Variants in ARHGAP26 observed in about 807,000 individuals in gnomAD.
ARHGAP26 encodes the protein Rho GTPase activating protein 26, also known as rho GTPase-activating protein 26.
In ARHGAP26, 38 loss-of-function variants were observed where a neutral mutation model predicts 104.8. That is an observed-to-expected ratio of 0.36 (90% CI 0.28 to 0.48). The LOEUF (loss-of-function observed/expected upper bound fraction) is 0.48, where lower values mean the gene tolerates loss of function less well. Among genes scored for constraint, ARHGAP26 ranks in the 20% least tolerant of loss-of-function variants. The pLI, the probability that ARHGAP26 is intolerant of heterozygous loss-of-function variation, is 0.99. For missense variants in ARHGAP26, 704 were observed against 947.9 expected (o/e 0.74, Z 3.38); for synonymous variants, 341 against 340.0 (o/e 1.00, Z -0.03).
At chr5:143,024,663 T>C (rs557064903) in intron 12 of ARHGAP26, among the ~76,000 whole-genome samples, 1 of 152,188 alleles carries the variant, frequency 6.6e-6, no homozygotes, top group East Asian at 1.9e-4. Context: ...TGATATACGT[T>C]ATGTCATTTG....
intron 12 of ARHGAP26, among the ~76,000 whole-genome samples, chr5:143,027,871 T>C (rs980973308): frequency 6.6e-6 from 1 of 152,226 alleles, no homozygotes; most frequent in Non-Finnish European, 1.5e-5. Context: ...GGTTCTCGCA[T>C]GTACTGATGC....
chr5:142,886,229 C>G (rs924100309), intron 5 of ARHGAP26, among the ~76,000 whole-genome samples: 2 of 152,160 alleles, frequency 1.3e-5, no homozygotes, highest in Admixed American at 1.3e-4. Flanking sequence ...TCCAGGCCGG[C>G]CCTTTTTTTA....
At chr5:142,961,351 G>T (rs1034431228) in intron 11 of ARHGAP26, among the ~76,000 whole-genome samples, 1 of 152,150 alleles carries the variant, frequency 6.6e-6, no homozygotes, top group East Asian at 1.9e-4. Context: ...AACTAGCCGG[G>T]CATGGTGGTG....
At chr5:143,114,980 G>A (rs1359216766) in intron 17 of ARHGAP26, among the ~76,000 whole-genome samples, 1 of 152,064 alleles carries the variant, frequency 6.6e-6, no homozygotes, top group Non-Finnish European at 1.5e-5. Context: ...GCTTTGCTTT[G>A]GCTCCATGTG....
intron 17 of ARHGAP26, among the ~76,000 whole-genome samples, chr5:143,067,107 A>G (rs1321687219): frequency 6.6e-6 from 1 of 151,592 alleles, no homozygotes; most frequent in Non-Finnish European, 1.5e-5. Flanking sequence ...TCTTTGCTAG[A>G]GTTTAATAAC....
intron 17 of ARHGAP26, among the ~76,000 whole-genome samples, chr5:143,084,187 GATC>G (rs1318069056): frequency 6.6e-6 from 1 of 152,120 alleles, no homozygotes; most frequent in Non-Finnish European, 1.5e-5. Flanking sequence ...TAAGATTTGG[GATC>G]ATAACTGTGG....
chr5:143,149,373 G>A (rs772887147), intron 20 of ARHGAP26, among the ~76,000 whole-genome samples: 2 of 152,160 alleles, frequency 1.3e-5, no homozygotes, highest in Non-Finnish European at 2.9e-5. Flanking sequence ...AGCAGTACCA[G>A]CATCAGCCCT....
chr5:143,129,984 G>C (rs942407281), intron 18 of ARHGAP26, among the ~76,000 whole-genome samples: 28 of 152,200 alleles, frequency 1.8e-4, no homozygotes, highest in African/African-American at 6.8e-4. Context: ...TCCAAAGCCT[G>C]TTTGCTTTGT....
intron 6 of ARHGAP26, among the ~76,000 whole-genome samples, chr5:142,895,691 A>G (rs1331344449): frequency 1.3e-5 from 2 of 151,908 alleles, no homozygotes; most frequent in East Asian, 1.9e-4. Flanking sequence ...TTTCATCAAG[A>G]CTCCAATTGG....
At chr5:143,087,840 G>A (rs1790827686) in intron 17 of ARHGAP26, among the ~76,000 whole-genome samples, 1 of 150,570 alleles carries the variant, frequency 6.6e-6, no homozygotes, top group South Asian at 2.1e-4. Context: ...GTAGAGACGG[G>A]GTTTCTCCAT....
At chr5:143,082,549 T>A (rs1406620571) in intron 17 of ARHGAP26, among the ~76,000 whole-genome samples, 1 of 152,228 alleles carries the variant, frequency 6.6e-6, no homozygotes, top group Non-Finnish European at 1.5e-5. Context: ...GGATTTTTAA[T>A]TTACAGAGGA....
At chr5:143,115,422 T>A (rs918118214) in intron 17 of ARHGAP26, among the ~76,000 whole-genome samples, 28 of 147,998 alleles carry the variant, frequency 1.9e-4, no homozygotes, top group Admixed American at 3.3e-4. Flanking sequence ...TATTTCATAT[T>A]TTTTTTTTAC....
At chr5:142,956,240 C>T (rs1360949742) in intron 11 of ARHGAP26, among the ~76,000 whole-genome samples, 1 of 152,056 alleles carries the variant, frequency 6.6e-6, no homozygotes, top group African/African-American at 2.4e-5. Flanking sequence ...TATTTTAGGA[C>T]ATCTTGTCTG....
intron 8 of ARHGAP26, chr5:142,907,334 C>G (rs1235330571): frequency 1.9e-5 from 3 of 156,058 alleles, no homozygotes; most frequent in Non-Finnish European, 2.8e-5. Context: ...TCTGCGTTCT[C>G]TCCTCAATCA....
chr5:142,900,545 T>G (rs189166510), intron 6 of ARHGAP26, among the ~76,000 whole-genome samples: 13 of 141,336 alleles, frequency 9.2e-5, no homozygotes, highest in African/African-American at 3.5e-4. Flanking sequence ...CCTCTGAGTT[T>G]AGGTCCAGTG....
chr5:143,134,066 C>A lies in ARHGAP26; in HGVS notation c.1798C>A (p.Pro600Thr). 1 of 1,612,304 alleles carries A rather than the reference C, an allele frequency of 6.2e-7. No homozygotes were observed. Among genetic ancestry groups the A allele is most frequent in the Non-Finnish European group, 8.5e-7 (1 of 1,179,126 alleles). Reference protein sequence around the residue: ...DSKPPSCSERPLTLFHTVQST... With the variant: ...DSKPPSCSERTLTLFHTVQST... The stretch of plus-strand genomic sequence containing the variant: ...CAAGCCCCCGTCCTGCAGCGAGAGG[C>A]CCCTGACGCTCTTCCACACCGTTCA... Residue 600 changes from proline (P) to threonine (T), a missense_variant, in exon 19 of 23, where the codon CCC becomes ACC. Physicochemically the swap from Pro to Thr is conservative, Grantham distance 38. This residue lies in a region of ARHGAP26 where 217 missense variants were observed against 242.6 expected (regional missense o/e 0.89). Transcript: ENST00000645722.
chr5:143,093,584 C>T (rs1295839334), intron 17 of ARHGAP26, among the ~76,000 whole-genome samples: 1 of 151,680 alleles, frequency 6.6e-6, no homozygotes, highest in African/African-American at 2.4e-5. Flanking sequence ...CTCTCTGCCT[C>T]ACTCTTTCTC....
intron 17 of ARHGAP26, among the ~76,000 whole-genome samples, chr5:143,086,966 G>A (rs1159533691): frequency 6.6e-6 from 1 of 152,210 alleles, no homozygotes; most frequent in African/African-American, 2.4e-5. Flanking sequence ...ATTTGGTGCA[G>A]CTCCCGCAAT....
chr5:143,222,509 G>T lies in ARHGAP26; in HGVS notation c.*63G>T, dbSNP rs759848771. 33 of 1,341,686 alleles carry T rather than the reference G, an allele frequency of 2.5e-5. 1 individual carries two copies. In the South Asian group the frequency reaches 5.2e-4, roughly 21 times the overall value. 83.1% of individuals were successfully genotyped at this position (1,341,686 alleles called of 1,614,324 possible). On this transcript the variant is annotated 3_prime_UTR_variant, in exon 23 of 23. Transcript: ENST00000645722. ...ATCCATGACAACTGCTGATTCCAGT[G>T]TCGAGGCCATTTCTCTTTGCCACTG...
Sources: gnomAD v4.1 joint callset for allele counts (sites outside exome capture counted in the v4.1 genomes callset) on GRCh38, gnomAD v4.1.1 for gene constraint, gnomAD v4.1.1 regional missense constraint, MANE v1.5 for transcripts, NCBI Gene and HGNC (gene_info 2026-07-23, HGNC 2026-07-21) for gene names.